DCST2: variants seen among roughly 807,000 people sequenced by gnomAD.
DCST2 encodes DC-STAMP domain containing 2, also known as DC-STAMP domain-containing protein 2.
In DCST2, 64 loss-of-function variants were observed where a neutral mutation model predicts 81.8. That is an observed-to-expected ratio of 0.78 (90% CI 0.64 to 0.96). DCST2 has a LOEUF of 0.96. DCST2 is among the 40% of genes least tolerant of loss of function. The pLI, the probability that DCST2 is intolerant of heterozygous loss-of-function variation, is 0.00. For missense variants in DCST2, 945 were observed against 1,001.4 expected, an observed-to-expected ratio of 0.94 and a Z score of 0.76; for synonymous variants, 354 against 402.6, an observed-to-expected ratio of 0.88 and a Z score of 1.44.
chr1:155,031,813 A>AC (rs1210003837), intron 3 of DCST2, 42 bp from the exon 4 acceptor site: 2 of 1,588,316 alleles, frequency 1.3e-6, no homozygotes, highest in Non-Finnish European at 1.7e-6. Flanking sequence ...CTGGAATCCT[A>AC]CAGCCTCTTC....
chr1:155,029,729 T>C (rs1244423331), intron 7 of DCST2, among the ~76,000 whole-genome samples: 1 of 152,080 alleles, frequency 6.6e-6, no homozygotes, highest in Non-Finnish European at 1.5e-5. Flanking sequence ...ATATTAGCAC[T>C]TCCTGCCCAC....
intron 14 of DCST2, among the ~76,000 whole-genome samples, chr1:155,020,302 G>A (rs1248801312): frequency 6.6e-6 from 1 of 152,132 alleles, no homozygotes; most frequent in Admixed American, 6.6e-5. Context: ...GCACTCATTA[G>A]ATTAAAAGCA....
In DCST2 at chr1:155,033,119, T is replaced by G. The variant is rs1275170104; in HGVS notation, c.414A>C (p.Leu138=). ...TGACAAGAGGTTGCTTGGCCCTCTG[T>G]AGCACTTCGGCGGTCTGGTTCAGGG... ...ELALNQTAEV[L]QRAKQPLVSA... Residue 138 remains leucine, a synonymous_variant, in exon 2 of 15, where the codon CTA becomes CTC. Coordinates refer to ENST00000368424, the MANE Select transcript of DCST2 (RefSeq NM_144622.3). 1 of 1,593,370 alleles carries G rather than the reference T, an allele frequency of 6.3e-7. No individual in the cohort carries two copies. The highest frequency in any genetic ancestry group is 1.8e-5 in the Admixed American group (1 of 55,792).
intron 4 of DCST2, 59 bp downstream of exon 4, chr1:155,031,515 T>TACCCCC: frequency 1.6e-6 from 1 of 643,126 alleles, no homozygotes; most frequent in South Asian, 1.4e-5. Flanking sequence ...ACCCCCACAT[T>TACCCCC]CCCACCCCAC....
At position 155,018,540 on chromosome 1, in the gene DCST2, TG is replaced by T; in HGVS notation, c.*3del. On this transcript the variant is annotated 3_prime_UTR_variant, in exon 15 of 15. Coordinates refer to ENST00000368424, the MANE Select transcript of DCST2 (RefSeq NM_144622.3). ...TAAGATTCACACTTGTGTCCACTTT[TG>T]GTTTATTTGGGGGGTGGGTGGGAAG... 2 of 1,609,866 alleles carry T rather than the reference TG, an allele frequency of 1.2e-6. No individual in the cohort carries two copies. Among genetic ancestry groups the T allele is most frequent in the Non-Finnish European group, 1.7e-6 (2 of 1,176,988 alleles).
Position 155,026,587 on chromosome 1 carries a change from G to T in DCST2, c.1471C>A (p.Arg491Ser), listed in dbSNP as rs138360951. The change falls in exon 9 of 15, where the codon CGT (arginine) becomes AGT (serine). Residue 491 changes from arginine (R) to serine (S), a missense_variant. By Grantham distance (110) the Arg-to-Ser change is moderately radical. Coordinates refer to ENST00000368424, the MANE Select transcript of DCST2 (RefSeq NM_144622.3). ...ISILSRRCLL[R>S]PSEPDSTGYI... ...CCAGTGCTGTCAGGCTCCGAGGGACGAAGGAGACAACGCCGGGACAAAATA... is the reference window on the plus strand; with the variant it reads ...CCAGTGCTGTCAGGCTCCGAGGGACTAAGGAGACAACGCCGGGACAAAATA... The T allele has an allele frequency of 9.0e-5, 146 of 1,614,084 alleles. No individual in the cohort carries two copies. The highest frequency in any genetic ancestry group is 1.2e-4 in the Non-Finnish European group (140 of 1,180,048).
intron 8 of DCST2, among the ~76,000 whole-genome samples, chr1:155,028,660 G>A (rs1200195126): frequency 6.7e-6 from 1 of 149,608 alleles, no homozygotes; most frequent in African/African-American, 2.5e-5. Context: ...AGATCATGAG[G>A]TCAAGAGATC....
chr1:155,023,884 C>T lies in DCST2; in HGVS notation c.1818G>A (p.Gln606=). The stretch of plus-strand genomic sequence containing the variant: ...CAGTGTTCTCCATGTCTCCCTCATC[C>T]TGGGGCTGCCCACAGCCCAGGCAGT... ...QAYCLGCGQP[Q]DEGDMENTVS... The change falls in exon 12 of 15, where the codon CAG becomes CAA. Residue 606 remains glutamine (Q), a synonymous_variant. Coordinates refer to ENST00000368424, the MANE Select transcript of DCST2 (RefSeq NM_144622.3). The T allele has an allele frequency of 1.2e-6, 2 of 1,613,676 alleles. No homozygotes were observed. Among genetic ancestry groups the T allele is most frequent in the Non-Finnish European group, 1.7e-6 (2 of 1,179,908 alleles).
intron 14 of DCST2, 74 bp downstream of exon 14, chr1:155,023,043 A>C: frequency 1.3e-6 from 2 of 1,547,574 alleles, no homozygotes; most frequent in Non-Finnish European, 1.7e-6. Context: ...GACACCCAGG[A>C]AGGCCTTTGC....
intron 8 of DCST2, 95 bp from the exon 9 acceptor site, chr1:155,026,810 C>A: frequency 6.8e-7 from 1 of 1,472,278 alleles, no homozygotes; most frequent in South Asian, 1.2e-5. Context: ...CAGCGCAGGT[C>A]ATAGGATGAC....
Position 155,026,717 on chromosome 1 carries a change from T to G in DCST2, c.1343-2A>C. 1 of 1,614,116 alleles carries G rather than the reference T, an allele frequency of 6.2e-7. No homozygotes were observed. Among genetic ancestry groups the G allele is most frequent in the South Asian group, 1.1e-5 (1 of 91,090 alleles). Reference sequence around the variant, plus strand: ...CGGTTAGAGACACCAACACAGGACCTGGCACAAAGACACTGTGTGAGTGAC... The same window carrying G: ...CGGTTAGAGACACCAACACAGGACCGGGCACAAAGACACTGTGTGAGTGAC... On this transcript the variant is annotated splice_acceptor_variant, in intron 8 of 14. Transcript: ENST00000368424. LOFTEE classifies it high-confidence loss of function.
chr1:155,026,193 C>T (rs1023284004), intron 10 of DCST2, 109 bp downstream of exon 10: 34 of 972,262 alleles, frequency 3.5e-5, no homozygotes, highest in Non-Finnish European at 5.0e-5. Context: ...CAGAGGAGAG[C>T]GGGCTGGGGC....
At chr1:155,024,079 C>A in intron 11 of DCST2, 120 bp from the exon 12 acceptor site, 1 of 1,384,986 alleles carries the variant, frequency 7.2e-7, no homozygotes, top group East Asian at 2.5e-5. Flanking sequence ...CATCCTCCAT[C>A]CCTCTGATTT....
At chr1:155,031,297 T>C in intron 4 of DCST2, 63 bp from the exon 5 acceptor site, 1 of 1,488,312 alleles carries the variant, frequency 6.7e-7, no homozygotes, top group Non-Finnish European at 9.0e-7. Flanking sequence ...CCCCGACCTC[T>C]GGAGACCTCT....
intron 14 of DCST2, among the ~76,000 whole-genome samples, chr1:155,018,980 T>C (rs1396157892): frequency 6.6e-6 from 1 of 152,168 alleles, no homozygotes; most frequent in Non-Finnish European, 1.5e-5. Context: ...TGAGGCCACA[T>C]GGCTAGGAAG....
Position 155,029,290 on chromosome 1 carries a change from C to G in DCST2, c.1285G>C (p.Val429Leu). The G allele has an allele frequency of 6.2e-7, 1 of 1,614,070 alleles. No homozygotes were observed. The change falls in exon 8 of 15, where the codon GTC (valine) becomes CTC (leucine). Residue 429 changes from valine (V) to leucine (L), a missense_variant. Transcript: ENST00000368424. ...CGGGCCAGGTCAAGCACCCAGAAGA[C>G]AGCATAGTCTAGGAAGACTAGGAAC... Reference protein sequence around the residue: ...VLFLVFLDYAVFWVLDLARHQ... With the variant: ...VLFLVFLDYALFWVLDLARHQ...
intron 2 of DCST2, 116 bp downstream of exon 2, chr1:155,032,978 C>A: frequency 8.0e-7 from 1 of 1,248,178 alleles, no homozygotes; most frequent in East Asian, 2.5e-5. Context: ...CCCTTCCAGG[C>A]CCAGATGCTC....
At chr1:155,022,114 A>G (rs1159252043) in intron 14 of DCST2, among the ~76,000 whole-genome samples, 1 of 151,810 alleles carries the variant, frequency 6.6e-6, no homozygotes, top group Non-Finnish European at 1.5e-5. Context: ...TGATCCACCC[A>G]CCTCGGCCTC....
chr1:155,019,069 T>C (rs919563395), intron 14 of DCST2, among the ~76,000 whole-genome samples: 1 of 152,154 alleles, frequency 6.6e-6, no homozygotes, highest in Non-Finnish European at 1.5e-5. Flanking sequence ...GCTTATCCTT[T>C]CACTGGGCCC....
Sources: allele counts gnomAD v4.1 joint callset (sites outside exome capture counted in the v4.1 genomes callset), GRCh38; gene constraint gnomAD v4.1.1; transcripts MANE v1.5; gene names NCBI Gene and HGNC (gene_info 2026-07-23, HGNC 2026-07-21).